CNTNAP2: variants seen among roughly 807,000 people sequenced by gnomAD.
CNTNAP2 encodes the protein contactin-associated protein-like 2.
CNTNAP2 carries 98 observed loss-of-function variants against 155.2 expected under a neutral mutation model. The ratio of observed to expected loss-of-function variants is 0.63; its 90% CI spans 0.54 to 0.75. The LOEUF is 0.75. Among genes scored for constraint, CNTNAP2 ranks in the 30% least tolerant of loss-of-function variants. CNTNAP2 has a pLI of 0.00. For missense variants in CNTNAP2, 1,727 were observed against 1,688.1 expected, an observed-to-expected ratio of 1.02 and a Z score of -0.40; for synonymous variants, 651 against 631.2, an observed-to-expected ratio of 1.03 and a Z score of -0.47.
rs1562998454 is a variant in CNTNAP2 at position 148,217,294 on chromosome 7, G to A, written c.3017G>A (p.Gly1006Asp). ...YDGTFCNKDVGAFFEEGMWLR... is the reference protein window; with the variant it reads ...YDGTFCNKDVDAFFEEGMWLR... ...TCTCTCTCCTTTATAACAGATGTTG[G>A]TGCATTTTTTGAAGAAGGGATGTGG... Residue 1006 changes from glycine (G) to aspartate (D), a missense_variant, in exon 19 of 24, where the codon GGT becomes GAT. Transcript: ENST00000361727. 6.2e-7 allele frequency: 1 copy of A among 1,613,940 alleles called. No homozygotes were observed. Among genetic ancestry groups the A allele is most frequent in the East Asian group, 2.2e-5 (1 of 44,874 alleles).
Position 148,152,508 on chromosome 7 carries a change from C to A in CNTNAP2, c.2773+4799C>A, listed in dbSNP as rs1283648085. On this transcript the variant is annotated intron_variant, in intron 17 of 23. Transcript: ENST00000361727. ...TTAAGTTCTACAATAGTGATGTTATCTATAAAAGCAACTGAGGAAGCCACA... is the reference window on the plus strand; with the variant it reads ...TTAAGTTCTACAATAGTGATGTTATATATAAAAGCAACTGAGGAAGCCACA... 3.3e-5 allele frequency among the ~76,000 whole-genome samples: 5 copies of A among 152,226 alleles called. No homozygotes were observed. The East Asian group carries it at 9.7e-4, about 29-fold the overall frequency.
At chr7:147,227,443 G>A (rs931396068) in intron 8 of CNTNAP2, among the ~76,000 whole-genome samples, 16 of 152,110 alleles carry the variant, frequency 1.1e-4, no homozygotes, top group Non-Finnish European at 1.3e-4. Flanking sequence ...TAACTGCCAC[G>A]TTGAAAATGG....
intron 6 of CNTNAP2, among the ~76,000 whole-genome samples, chr7:147,125,555 A>G (rs981174277): frequency 2.0e-5 from 3 of 152,220 alleles, no homozygotes; most frequent in Admixed American, 6.5e-5. Context: ...TGTTCTTCAG[A>G]GGACACCCAC....
chr7:146,875,879 TAAAC>T lies in CNTNAP2; in HGVS notation c.402+35977_402+35980del, dbSNP rs551158258. The stretch of plus-strand genomic sequence containing the variant: ...TAGACAACATAGGGAGACCTTATCT[TAAAC>T]ACACACACACACATACACACACGCA... On this transcript the variant is annotated intron_variant, in intron 3 of 23. Coordinates refer to ENST00000361727, the MANE Select transcript of CNTNAP2 (RefSeq NM_014141.6). Among the ~76,000 whole-genome samples the T allele has an allele frequency of 1.8e-3, 220 of 119,946 alleles. 1 individual carries two copies. Among genetic ancestry groups the T allele is most frequent in the African/African-American group, 6.7e-3 (212 of 31,482 alleles). The allele number at this position is 119,946 out of a possible 152,430, so 78.7% of individuals were successfully genotyped here. A position where few individuals can be genotyped will look rare whatever the true frequency, so the allele number is the denominator to read the frequency against.
intron 1 of CNTNAP2, among the ~76,000 whole-genome samples, chr7:146,668,461 T>TGG: frequency 1.3e-5 from 2 of 151,780 alleles, no homozygotes; most frequent in East Asian, 1.9e-4. Context: ...TGTGTGTGTG[T>TGG]GTGTGTGTGT....
chr7:147,973,160 T>TAAAAAAAAAAAAAAAAAAAA (rs35756000), intron 14 of CNTNAP2, among the ~76,000 whole-genome samples: 19 of 120,826 alleles, frequency 1.6e-4, no homozygotes, highest in African/African-American at 5.9e-4. Flanking sequence ...TCTCTAAAAT[T>TAAAAAAAAAAAAAAAAAAAA]AAAAAAAAAA....
At chr7:147,905,796 A>G (rs1021651754) in intron 14 of CNTNAP2, among the ~76,000 whole-genome samples, 1 of 152,104 alleles carries the variant, frequency 6.6e-6, no homozygotes, top group African/African-American at 2.4e-5. Context: ...AGGCAGGAGA[A>G]TCGCTTGAAC....
At chr7:147,591,489 G>A (rs984197713) in intron 12 of CNTNAP2, among the ~76,000 whole-genome samples, 5 of 152,086 alleles carry the variant, frequency 3.3e-5, no homozygotes, top group African/African-American at 1.2e-4. Context: ...AAGCACTGGG[G>A]ATTAAGACTT....
chr7:147,504,455 G>A (rs1324175934), intron 11 of CNTNAP2, among the ~76,000 whole-genome samples: 2 of 151,994 alleles, frequency 1.3e-5, no homozygotes, highest in Non-Finnish European at 2.9e-5. Context: ...TTGGGAGGCC[G>A]AGGCGGGAGG....
At chr7:148,362,266 G>A (rs555808876) in intron 21 of CNTNAP2, among the ~76,000 whole-genome samples, 22 of 151,924 alleles carry the variant, frequency 1.4e-4, no homozygotes, top group Admixed American at 3.3e-4. Context: ...AACAGCATGG[G>A]GGAAACCACC....
At chr7:146,516,215 C>T (rs2129136455) in intron 1 of CNTNAP2, among the ~76,000 whole-genome samples, 1 of 151,984 alleles carries the variant, frequency 6.6e-6, no homozygotes, top group East Asian at 1.9e-4. Context: ...GTGCAATGGT[C>T]AATATGGTCA....
intron 2 of CNTNAP2, among the ~76,000 whole-genome samples, chr7:146,810,870 T>C (rs1803053590): frequency 1.3e-5 from 2 of 152,228 alleles, no homozygotes; most frequent in African/African-American, 4.8e-5. Context: ...TGTTAAATGC[T>C]TTGTTGCATC....
intron 13 of CNTNAP2, among the ~76,000 whole-genome samples, chr7:147,771,940 A>C (rs1410329618): frequency 1.3e-5 from 2 of 152,096 alleles, no homozygotes; most frequent in Admixed American, 6.6e-5. Context: ...TTCTTTGTTC[A>C]GGTTGTAAGC....
intron 13 of CNTNAP2, among the ~76,000 whole-genome samples, chr7:147,799,718 G>C (rs974903161): frequency 5.3e-5 from 8 of 152,168 alleles, no homozygotes; most frequent in Non-Finnish European, 1.0e-4. Context: ...AGATGCATGA[G>C]AGCAGAAATT....
At chr7:148,407,545 A>C (rs943933900) in intron 22 of CNTNAP2, among the ~76,000 whole-genome samples, 3 of 152,000 alleles carry the variant, frequency 2.0e-5, no homozygotes, top group Non-Finnish European at 4.4e-5. Context: ...CTCTACAAAA[A>C]ATAAAAAAAT....
At position 146,708,326 on chromosome 7, in the gene CNTNAP2, A is replaced by G. The variant is rs532968951; in HGVS notation, c.98-65945A>G. Among the ~76,000 whole-genome samples the G allele has an allele frequency of 9.9e-5, 15 of 152,222 alleles. No homozygotes were observed. The South Asian group carries it at 1.7e-3, about 17-fold the overall frequency. On this transcript the variant is annotated intron_variant, in intron 1 of 23. Coordinates refer to ENST00000361727, the MANE Select transcript of CNTNAP2 (RefSeq NM_014141.6). Reference sequence around the variant, plus strand: ...ATGTTTAACAAATTACTTAGTATATATAAATGATCTCAACATAATCAATAA... The same window carrying G: ...ATGTTTAACAAATTACTTAGTATATGTAAATGATCTCAACATAATCAATAA...
intron 18 of CNTNAP2, among the ~76,000 whole-genome samples, chr7:148,187,923 C>A (rs532569467): frequency 6.6e-6 from 1 of 152,136 alleles, no homozygotes; most frequent in East Asian, 1.9e-4. Context: ...TAAAAAGCTG[C>A]CCTGCCCCAA....
At chr7:147,708,365 A>T (rs1487192123) in intron 13 of CNTNAP2, among the ~76,000 whole-genome samples, 1 of 152,150 alleles carries the variant, frequency 6.6e-6, no homozygotes, top group African/African-American at 2.4e-5. Flanking sequence ...GCTGCCAGCC[A>T]TGACATGCAT....
chr7:147,024,844 T>C (rs1798873930), intron 3 of CNTNAP2, among the ~76,000 whole-genome samples: 1 of 152,108 alleles, frequency 6.6e-6, no homozygotes, highest in Non-Finnish European at 1.5e-5. Flanking sequence ...CTGTCAATCA[T>C]GGCGGAAGGT....
Sources: allele counts gnomAD v4.1 joint callset (sites outside exome capture counted in the v4.1 genomes callset), GRCh38; gene constraint gnomAD v4.1.1; transcripts MANE v1.5; gene names NCBI Gene and HGNC (gene_info 2026-07-23, HGNC 2026-07-21).